Variants in ENTREP2 observed in about 807,000 individuals in gnomAD.
The protein encoded by ENTREP2 is endosomal transmembrane epsin interactor 2.
At chr15:29,389,739 G>A in the ENTREP2 span, among the ~76,000 whole-genome samples, 8 of 152,180 alleles carry the variant, frequency 5.3e-5, no homozygotes, top group South Asian at 6.2e-4. Flanking sequence ...CCAGCCACAT[G>A]CCGCCTGACG....
chr15:29,397,813 G>A, the ENTREP2 span, among the ~76,000 whole-genome samples: 1 of 152,116 alleles, frequency 6.6e-6, no homozygotes, highest in Non-Finnish European at 1.5e-5. Flanking sequence ...AGGGAAAAAA[G>A]GGGGAACTTC....
chr15:29,136,309 G>A, the ENTREP2 span: 1 of 1,440,204 alleles, frequency 6.9e-7, no homozygotes, highest in Non-Finnish European at 9.0e-7. Flanking sequence ...GGCAGGCCGG[G>A]ACGGTGTCCC....
chr15:29,618,284 G>A, the ENTREP2 span, among the ~76,000 whole-genome samples: 2 of 152,032 alleles, frequency 1.3e-5, no homozygotes, highest in African/African-American at 4.8e-5. Context: ...TTAGCTGGGC[G>A]TGGTGGCAGA....
chr15:29,195,060 G>A, the ENTREP2 span: 1 of 946,786 alleles, frequency 1.1e-6, no homozygotes, highest in Non-Finnish European at 1.3e-6. Flanking sequence ...GCAGGCTCCA[G>A]GATGCAGTGA....
the ENTREP2 span, among the ~76,000 whole-genome samples, chr15:29,637,902 G>C: frequency 7.2e-5 from 11 of 151,864 alleles, no homozygotes; most frequent in African/African-American, 2.7e-4. Flanking sequence ...TCTACAGCAA[G>C]CTATTTCTTC....
chr15:29,259,277 T>C, the ENTREP2 span, among the ~76,000 whole-genome samples: 180 of 152,358 alleles, frequency 1.2e-3, 2 homozygotes, highest in African/African-American at 4.2e-3. Flanking sequence ...GAAGATAATC[T>C]GATTTCAGAG....
the ENTREP2 span, among the ~76,000 whole-genome samples, chr15:29,608,518 CTTCT>C: frequency 3.4e-5 from 3 of 86,958 alleles, no homozygotes; most frequent in Admixed American, 1.5e-4. Context: ...CTCCTCCTGC[CTTCT>C]TTATTATTAT....
chr15:29,486,099 G>A, the ENTREP2 span, among the ~76,000 whole-genome samples: 8 of 152,086 alleles, frequency 5.3e-5, no homozygotes, highest in African/African-American at 1.7e-4. Context: ...TCTAAGATAG[G>A]AAATCAACCT....
chr15:29,488,401 A>G, the ENTREP2 span, among the ~76,000 whole-genome samples: 1 of 152,212 alleles, frequency 6.6e-6, no homozygotes, highest in African/African-American at 2.4e-5. Context: ...AAAAATGATA[A>G]AAGATTAACA....
At chr15:29,410,371 T>C in the ENTREP2 span, among the ~76,000 whole-genome samples, 1 of 152,088 alleles carries the variant, frequency 6.6e-6, no homozygotes, top group African/African-American at 2.4e-5. Flanking sequence ...GCTCCTGCAC[T>C]GCAGGTCTCA....
At chr15:29,416,790 C>A in the ENTREP2 span, among the ~76,000 whole-genome samples, 1 of 152,296 alleles carries the variant, frequency 6.6e-6, no homozygotes, top group East Asian at 1.9e-4. Flanking sequence ...TGAACTCCAA[C>A]AAATTTACAA....
the ENTREP2 span, among the ~76,000 whole-genome samples, chr15:29,159,241 G>A: frequency 6.6e-6 from 1 of 151,856 alleles, no homozygotes; most frequent in Admixed American, 6.6e-5. Context: ...TCCGCGGTGA[G>A]TGTTACAGCT....
At chr15:29,394,116 T>A in the ENTREP2 span, among the ~76,000 whole-genome samples, 1 of 152,150 alleles carries the variant, frequency 6.6e-6, no homozygotes, top group East Asian at 1.9e-4. Flanking sequence ...ACTACAAGAC[T>A]CTACTGAGAC....
At chr15:29,322,205 C>T in the ENTREP2 span, among the ~76,000 whole-genome samples, 10 of 152,026 alleles carry the variant, frequency 6.6e-5, no homozygotes, top group East Asian at 5.8e-4. Context: ...TTTTGAAATA[C>T]GCATACATTG....
chr15:29,657,483 C>G, the ENTREP2 span, among the ~76,000 whole-genome samples: 3,200 of 69,242 alleles, frequency 0.046, no homozygotes, highest in Non-Finnish European at 0.057. Context: ...GCTGGGGGGG[C>G]GGGGGGGGGG....
the ENTREP2 span, among the ~76,000 whole-genome samples, chr15:29,486,324 C>T: frequency 4.0e-5 from 6 of 151,878 alleles, no homozygotes; most frequent in African/African-American, 1.5e-4. Flanking sequence ...ATGCGGTGTA[C>T]GTATGATATA....
At chr15:29,369,514 A>G in the ENTREP2 span, among the ~76,000 whole-genome samples, 2 of 152,328 alleles carry the variant, frequency 1.3e-5, no homozygotes, top group East Asian at 1.9e-4. Flanking sequence ...TTACCAGATA[A>G]GCCAATGCTG....
the ENTREP2 span, among the ~76,000 whole-genome samples, chr15:29,255,845 CAA>C: frequency 6.6e-6 from 1 of 151,838 alleles, no homozygotes; most frequent in South Asian, 2.1e-4. Context: ...ACTAAAAATA[CAA>C]AAAGTTAGCC....
At chr15:29,207,456 G>T in the ENTREP2 span, among the ~76,000 whole-genome samples, 2 of 24,964 alleles carry the variant, frequency 8.0e-5, no homozygotes, top group Non-Finnish European at 1.2e-4. Context: ...GTTGGGGGGC[G>T]GGGGGGGTGG....
Sources: allele counts gnomAD v4.1 joint callset (sites outside exome capture counted in the v4.1 genomes callset), GRCh38; gene constraint gnomAD v4.1.1; transcripts MANE v1.5; gene names NCBI Gene and HGNC (gene_info 2026-07-23, HGNC 2026-07-21).